WDR82: variants seen among roughly 807,000 people sequenced by gnomAD.
The protein encoded by WDR82 is WD repeat domain 82, also known as WD repeat-containing protein 82.
Under a neutral mutation model 36.1 loss-of-function variants are expected in WDR82, and 8 were observed. The ratio of observed to expected loss-of-function variants is 0.22; its 90% confidence interval spans 0.13 to 0.40. WDR82 has a LOEUF of 0.40. WDR82 is among the 10% of genes least tolerant of loss of function. WDR82 has a pLI of 1.00. For synonymous variants in WDR82, 129 were observed against 137.8 expected (o/e 0.94, Z 0.45); for missense variants, 185 against 400.5 (o/e 0.46, Z 4.59).
At position 52,267,017 on chromosome 3, in the gene WDR82, A is replaced by C. The variant is rs746113199; in HGVS notation, c.261T>G (p.Asp87Glu). 3 of 1,608,064 alleles carry C rather than the reference A, an allele frequency of 1.9e-6. No homozygotes were observed. Among genetic ancestry groups the C allele is most frequent in the East Asian group, 4.5e-5 (2 of 44,672 alleles). The change falls in exon 3 of 9, where the codon GAT (aspartate) becomes GAG (glutamate). Residue 87 changes from aspartate to glutamate, a missense_variant and splice_region_variant. Physicochemically the swap from Asp to Glu is conservative, Grantham distance 45. Around this residue, in one of 3 missense-constraint regions of WDR82, gnomAD observed 26 missense variants for 107.4 expected, o/e 0.24. Coordinates refer to ENST00000296490, the MANE Select transcript of WDR82 (RefSeq NM_025222.4). ...TVVYSSNKID[D>E]TIRYLSLHDN... ...CATGCAAGGACAAGTAACGAATAGT[A>C]TCTGTAAAAAGACAAACAAGGTATG...
At position 52,255,416 on chromosome 3, in the gene WDR82, A is replaced by G. The variant is rs1032091548; in HGVS notation, c.*2074T>C. On this transcript the variant is annotated 3_prime_UTR_variant, in exon 9 of 9. Coordinates refer to ENST00000296490, the MANE Select transcript of WDR82 (RefSeq NM_025222.4). ...TTCCAAGCACTCTCTCTTAACAATC[A>G]TTCCTACTGTGAATTTTCTACCCGG... 6.6e-6 allele frequency: 1 copy of G among 152,114 alleles called. No homozygotes were observed. The highest frequency in any genetic ancestry group is 1.5e-5 in the Non-Finnish European group (1 of 68,022). 9.4% of individuals were successfully genotyped at this position (152,114 alleles called of 1,614,324 possible). A position where few individuals can be genotyped will look rare whatever the true frequency, so the allele number is the denominator to read the frequency against.
chr3:52,272,364 CG>C (rs951856679), intron 1 of WDR82, among the ~76,000 whole-genome samples: 7 of 151,604 alleles, frequency 4.6e-5, no homozygotes, highest in African/African-American at 1.5e-4. Context: ...GCCAACATGG[CG>C]AAACGCTATC....
chr3:52,270,764 G>A lies in WDR82; in HGVS notation c.207C>T (p.Ile69=). ...CTGTGTTTGCTGCATGAGTGTATCT[G>A]ATGAGGTCCACACCATATTTCTTAC... is the stretch of plus-strand genomic sequence containing the variant. ...LYSKKYGVDL[I]RYTHAANTVV... is the part of the protein sequence containing the mutation. Residue 69 remains isoleucine (I), a synonymous_variant, in exon 2 of 9, where the codon ATC becomes ATT. Transcript: ENST00000296490. The A allele has an allele frequency of 6.2e-7, 1 of 1,613,508 alleles. No homozygotes were observed. Among genetic ancestry groups the A allele is most frequent in the Non-Finnish European group, 8.5e-7 (1 of 1,179,752 alleles).
At chr3:52,274,947 G>T (rs1392273073) in intron 1 of WDR82, among the ~76,000 whole-genome samples, 1 of 152,058 alleles carries the variant, frequency 6.6e-6, no homozygotes, top group Non-Finnish European at 1.5e-5. Flanking sequence ...GAAAGGCCGG[G>T]CGCAGTGGCT....
At position 52,277,957 on chromosome 3, in the gene WDR82, C is replaced by G. The variant is rs146658936; in HGVS notation, c.161+244G>C. Among the ~76,000 whole-genome samples the G allele has an allele frequency of 3.7e-4, 56 of 152,100 alleles. No individual in the cohort carries two copies. The East Asian group carries it at 8.7e-3, about 24-fold the overall frequency. On this transcript the variant is annotated intron_variant, in intron 1 of 8. Coordinates refer to ENST00000296490, the MANE Select transcript of WDR82 (RefSeq NM_025222.4). ...GTGGGGTTTGGCAAGTGATGCATAG[C>G]GCTCAAAGGAGACCGAAGACATACA...
intron 1 of WDR82, among the ~76,000 whole-genome samples, chr3:52,277,095 T>C (rs1700211251): frequency 1.4e-5 from 2 of 143,872 alleles, no homozygotes; most frequent in Admixed American, 6.9e-5. Flanking sequence ...ATAATAATAA[T>C]AATAATATCT....
chr3:52,268,056 G>T (rs1700121816), intron 2 of WDR82: 3 of 255,966 alleles, frequency 1.2e-5, no homozygotes, highest in Non-Finnish European at 2.4e-5. Context: ...AGGGGAATAG[G>T]GATATTTGTA....
intron 1 of WDR82, 134 bp from the exon 2 acceptor site, chr3:52,270,943 C>A (rs1053682955): frequency 5.4e-6 from 3 of 555,828 alleles, no homozygotes; most frequent in Non-Finnish European, 9.0e-6. Flanking sequence ...TGGAAAGAAA[C>A]AACTTCTTCC....
At chr3:52,275,714 C>T (rs1214898800) in intron 1 of WDR82, among the ~76,000 whole-genome samples, 1 of 151,964 alleles carries the variant, frequency 6.6e-6, no homozygotes, top group Admixed American at 6.6e-5. Context: ...TGAAACCCTG[C>T]CTCTACTAAA....
chr3:52,268,664 G>A (rs964633770), intron 2 of WDR82, among the ~76,000 whole-genome samples: 1 of 151,226 alleles, frequency 6.6e-6, no homozygotes, highest in Non-Finnish European at 1.5e-5. Flanking sequence ...TGAAATACAG[G>A]CATGAAAAGT....
At chr3:52,274,677 G>A (rs1210292679) in intron 1 of WDR82, among the ~76,000 whole-genome samples, 2 of 151,536 alleles carry the variant, frequency 1.3e-5, no homozygotes, top group Admixed American at 6.6e-5. Flanking sequence ...ACCGAGGTGG[G>A]CAGATCACTT....
intron 3 of WDR82, among the ~76,000 whole-genome samples, chr3:52,263,348 A>T (rs971430538): frequency 6.6e-6 from 1 of 152,232 alleles, no homozygotes; most frequent in African/African-American, 2.4e-5. Flanking sequence ...GGTAGAAAGG[A>T]TTTCAAAGAA....
intron 3 of WDR82, among the ~76,000 whole-genome samples, chr3:52,262,223 G>A (rs1700068098): frequency 6.6e-6 from 1 of 152,208 alleles, no homozygotes; most frequent in Admixed American, 6.5e-5. Flanking sequence ...AAAGACAGAA[G>A]TAGATCAGCA....
chr3:52,254,991 G>A lies in WDR82; in HGVS notation c.*2499C>T, dbSNP rs543116927. 2.7e-5 allele frequency: 4 copies of A among 147,868 alleles called. No individual in the cohort carries two copies. The highest frequency in any genetic ancestry group is 2.0e-4 in the East Asian group (1 of 5,080). The allele number at this position is 147,868 out of a possible 1,614,324, so 9.2% of individuals were successfully genotyped here. A position where few individuals can be genotyped will look rare whatever the true frequency, so the allele number is the denominator to read the frequency against. On this transcript the variant is annotated 3_prime_UTR_variant, in exon 9 of 9. Transcript: ENST00000296490. ...GAGTTTTGCTGTTGTTGCCCAGGCC[G>A]GAGTGCAATGGCACGATCTCAACTC...
Position 52,266,874 on chromosome 3 carries a change from A to C in WDR82, c.326+78T>G, listed in dbSNP as rs1700110821. The C allele has an allele frequency of 3.2e-6, 4 of 1,249,310 alleles. No homozygotes were observed. In the South Asian group the frequency reaches 5.0e-5, roughly 16 times the overall value. The allele number at this position is 1,249,310 out of a possible 1,614,324, so 77.4% of individuals were successfully genotyped here. A position where few individuals can be genotyped will look rare whatever the true frequency, so the allele number is the denominator to read the frequency against. On this transcript the variant is annotated intron_variant, in intron 3 of 8. Transcript: ENST00000296490. ...AGGAAGTAGCTTCAGTTCACTAATA[A>C]GCTCTCTCTAGCCTTCTATTCTCTG...
intron 1 of WDR82, among the ~76,000 whole-genome samples, chr3:52,275,878 C>T (rs1486814402): frequency 1.3e-5 from 2 of 151,898 alleles, no homozygotes; most frequent in Non-Finnish European, 2.9e-5. Flanking sequence ...AGCGAGACTC[C>T]ATCTCAAAAA....
At chr3:52,277,529 A>G (rs1026695673) in intron 1 of WDR82, among the ~76,000 whole-genome samples, 10 of 152,238 alleles carry the variant, frequency 6.6e-5, no homozygotes, top group Non-Finnish European at 1.5e-4. Flanking sequence ...TGTGTGTGGC[A>G]AAAAGGAAGT....
intron 3 of WDR82, among the ~76,000 whole-genome samples, chr3:52,265,948 C>T (rs756505770): frequency 7.2e-5 from 11 of 152,092 alleles, no homozygotes; most frequent in Admixed American, 1.3e-4. Context: ...CGAAACCATC[C>T]TGGGTTACTG....
intron 1 of WDR82, among the ~76,000 whole-genome samples, chr3:52,273,090 C>G (rs1402830459): frequency 2.0e-5 from 3 of 152,160 alleles, no homozygotes; most frequent in Admixed American, 6.6e-5. Context: ...ACTCTGCTAC[C>G]AGTGGAAGAA....
Sources: allele counts gnomAD v4.1 joint callset (sites outside exome capture counted in the v4.1 genomes callset), GRCh38; gene constraint gnomAD v4.1.1; regional missense constraint gnomAD v4.1.1; transcripts MANE v1.5; gene names NCBI Gene and HGNC (gene_info 2026-07-23, HGNC 2026-07-21).